DYNLRB1: variants seen among roughly 807,000 people sequenced by gnomAD.
The protein encoded by DYNLRB1 is ROBL/LC7-like 1.
Under a neutral mutation model 13.5 loss-of-function variants are expected in DYNLRB1, and 6 were observed. The ratio of observed to expected loss-of-function variants is 0.44; its 90% confidence interval spans 0.24 to 0.88. DYNLRB1 has a LOEUF of 0.88. Among genes scored for constraint, DYNLRB1 ranks in the 40% least tolerant of loss-of-function variants. DYNLRB1 has a pLI of 0.21. For synonymous variants in DYNLRB1, 43 were observed against 45.0 expected (o/e 0.96, Z 0.18); for missense variants, 93 against 127.2 (o/e 0.73, Z 1.29).
chr20:34,516,667 C>T, intron 1 of DYNLRB1: 1 of 1,474,780 alleles, frequency 6.8e-7, no homozygotes, highest in Non-Finnish European at 9.0e-7. Context: ...CCGCCGGATC[C>T]CGCTGCCCCT....
chr20:34,537,139 TGGA>T lies in DYNLRB1; in HGVS notation c.247+2351_247+2353del, dbSNP rs779992347. Among the ~76,000 whole-genome samples the T allele has an allele frequency of 1.2e-3, 186 of 152,202 alleles. 2 individuals carry two copies. Among genetic ancestry groups the T allele is most frequent in the Non-Finnish European group, 1.6e-3 (107 of 67,990 alleles). ...CCTGGAGATCCCACAACCTTGTCAG[TGGA>T]GGAGGATGAGGTGGCCAGTCCCTCA... On this transcript the variant is annotated intron_variant, in intron 3 of 3. Transcript: ENST00000357156.
At chr20:34,526,127 G>T in intron 1 of DYNLRB1, 141 bp from the exon 2 acceptor site, 1 of 839,900 alleles carries the variant, frequency 1.2e-6, no homozygotes. Context: ...AGATCAGCCT[G>T]GGGAACTTTG....
intron 2 of DYNLRB1, among the ~76,000 whole-genome samples, chr20:34,528,372 C>T (rs1313893427): frequency 9.8e-6 from 1 of 101,802 alleles, no homozygotes; most frequent in Non-Finnish European, 2.0e-5. Flanking sequence ...ACAAAAATAA[C>T]ATAAACCAGT....
intron 1 of DYNLRB1, among the ~76,000 whole-genome samples, chr20:34,518,158 G>T (rs962604581): frequency 4.6e-5 from 7 of 150,612 alleles, no homozygotes; most frequent in African/African-American, 1.7e-4. Context: ...CGATGCCTTT[G>T]TCGAAAATCA....
chr20:34,540,835 A>C lies in DYNLRB1; in HGVS notation c.*211A>C. The C allele has an allele frequency of 2.0e-6, 1 of 492,010 alleles. No individual in the cohort carries two copies. The highest frequency in any genetic ancestry group is 3.6e-6 in the Non-Finnish European group (1 of 281,426). 30.5% of individuals were successfully genotyped at this position (492,010 alleles called of 1,614,324 possible). On this transcript the variant is annotated 3_prime_UTR_variant, in exon 4 of 4. Coordinates refer to ENST00000357156, the MANE Select transcript of DYNLRB1 (RefSeq NM_014183.4). ...CAGAGCTCCGGAGCGCCCTCTCCTC[A>C]CTTCCAGGTTTTGGAGCAAGAGCTT...
intron 3 of DYNLRB1, chr20:34,535,643 CAT>C (rs1326709857): frequency 2.0e-6 from 2 of 985,068 alleles, no homozygotes; most frequent in Non-Finnish European, 2.4e-6. Context: ...GGCTGAGCCA[CAT>C]AGTTGAGTGT....
At chr20:34,528,311 CAAAAAAAAAAAAA>C (rs59104612) in intron 2 of DYNLRB1, among the ~76,000 whole-genome samples, 7 of 5,206 alleles carry the variant, frequency 1.3e-3, no homozygotes, top group Admixed American at 7.5e-3. Context: ...GACTCCGTCT[CAAAAAAAAAAAAA>C]AAAAAAAAAA....
chr20:34,526,264 G>A lies in DYNLRB1; in HGVS notation c.4-4G>A. On this transcript the variant is annotated splice_region_variant and splice_polypyrimidine_tract_variant and intron_variant, in intron 1 of 3. Transcript: ENST00000357156. Reference sequence around the variant, plus strand: ...CTCCTAACCTTGGTCTTGTTTTCTGGCAGGCAGAGGTGGAGGAGACACTGA... The same window carrying A: ...CTCCTAACCTTGGTCTTGTTTTCTGACAGGCAGAGGTGGAGGAGACACTGA... The A allele has an allele frequency of 6.2e-7, 1 of 1,614,140 alleles. No individual in the cohort carries two copies. Among genetic ancestry groups the A allele is most frequent in the Non-Finnish European group, 8.5e-7 (1 of 1,180,026 alleles).
chr20:34,531,584 A>T (rs1217574519), intron 2 of DYNLRB1, among the ~76,000 whole-genome samples: 2 of 152,214 alleles, frequency 1.3e-5, no homozygotes, highest in Admixed American at 1.3e-4. Flanking sequence ...GGATGTGATC[A>T]GACTCCTCAT....
At chr20:34,537,009 T>G (rs1021824140) in intron 3 of DYNLRB1, among the ~76,000 whole-genome samples, 16 of 152,262 alleles carry the variant, frequency 1.1e-4, no homozygotes, top group African/African-American at 3.9e-4. Context: ...GCGTCTCCAA[T>G]TTGGCCCTGA....
chr20:34,517,655 G>A (rs1249990936), intron 1 of DYNLRB1, among the ~76,000 whole-genome samples: 2 of 138,168 alleles, frequency 1.4e-5, no homozygotes, highest in African/African-American at 2.7e-5. Context: ...TTGAGATGGA[G>A]TGTGTCTCTG....
intron 1 of DYNLRB1, among the ~76,000 whole-genome samples, chr20:34,517,067 C>T (rs1979290647): frequency 6.6e-6 from 1 of 152,148 alleles, no homozygotes; most frequent in South Asian, 2.1e-4. Context: ...GCGGGGTCTG[C>T]TCTTGGGGAT....
chr20:34,540,810 C>G lies in DYNLRB1; in HGVS notation c.*186C>G. 1.8e-6 allele frequency: 1 copy of G among 565,988 alleles called. No homozygotes were observed. The highest frequency in any genetic ancestry group is 3.0e-6 in the Non-Finnish European group (1 of 329,174). 35.1% of individuals were successfully genotyped at this position (565,988 alleles called of 1,614,324 possible). ...AACCCCTGTGTGCACCAACCTTCCCCAGAGCTCCGGAGCGCCCTCTCCTCA... is the reference window on the plus strand; with the variant it reads ...AACCCCTGTGTGCACCAACCTTCCCGAGAGCTCCGGAGCGCCCTCTCCTCA... On this transcript the variant is annotated 3_prime_UTR_variant, in exon 4 of 4. Transcript: ENST00000357156.
chr20:34,533,435 G>T, intron 2 of DYNLRB1: 1 of 982,754 alleles, frequency 1.0e-6, no homozygotes, highest in Non-Finnish European at 1.2e-6. Context: ...TGGACAGTGT[G>T]TTTATAGCTG....
intron 3 of DYNLRB1, chr20:34,536,061 G>C: frequency 2.0e-6 from 2 of 985,374 alleles, no homozygotes; most frequent in Non-Finnish European, 2.4e-6. Context: ...CAGCCCACAG[G>C]CTCCCTGGGA....
At chr20:34,516,363 T>TA, upstream of DYNLRB1, 3 of 1,562,236 alleles carry the variant, frequency 1.9e-6, no homozygotes, top group East Asian at 6.9e-5. Flanking sequence ...GATAGGCAGC[T>TA]AGAGCTGTCC....
intron 2 of DYNLRB1, chr20:34,529,729 C>CAA (rs111373342): frequency 9.4e-3 from 7,462 of 796,284 alleles, no homozygotes; most frequent in Non-Finnish European, 0.011. Context: ...AACTCGGTCT[C>CAA]AAAAAAAAAA....
intron 1 of DYNLRB1, among the ~76,000 whole-genome samples, chr20:34,519,389 A>G (rs558471061): frequency 6.6e-6 from 1 of 152,278 alleles, no homozygotes; most frequent in Admixed American, 6.5e-5. Flanking sequence ...TGGAATATAT[A>G]TATATTTGTA....
At chr20:34,535,411 G>C (rs940965484) in intron 3 of DYNLRB1, 22 of 952,670 alleles carry the variant, frequency 2.3e-5, no homozygotes, top group Non-Finnish European at 2.0e-5. Context: ...GCATTTGGGG[G>C]CTCTGTGGTG....
Sources: allele counts gnomAD v4.1 joint callset (sites outside exome capture counted in the v4.1 genomes callset), GRCh38; gene constraint gnomAD v4.1.1; transcripts MANE v1.5; gene names NCBI Gene and HGNC (gene_info 2026-07-23, HGNC 2026-07-21).